Variants in TMEM154 observed in about 807,000 individuals in gnomAD.
The protein encoded by TMEM154 is transmembrane protein 154.
In TMEM154, 27 loss-of-function variants were observed where a neutral mutation model predicts 24.5. The observed-to-expected ratio is 1.10, with a 90% CI of 0.81 to 1.52. The LOEUF is 1.52. Ranked by LOEUF, TMEM154 falls within the 40% of genes most tolerant of loss-of-function variation. TMEM154 has a pLI of 0.00. For synonymous variants in TMEM154, 67 were observed against 76.8 expected (o/e 0.87, Z 0.67); for missense variants, 228 against 213.4 (o/e 1.07, Z -0.43).
At position 152,667,479 on chromosome 4, in the gene TMEM154, C is replaced by G. The variant is rs939383305; in HGVS notation, c.64+12391G>C. On this transcript the variant is annotated intron_variant, in intron 1 of 6. Transcript: ENST00000304385. The stretch of plus-strand genomic sequence containing the variant: ...CATGCATTTGCCCCCACGTAAAGGT[C>G]AGGTGACTTGATTCTCTCTGGGAGC... Among the ~76,000 whole-genome samples, 3 of 152,168 alleles carry G rather than the reference C, an allele frequency of 2.0e-5. No individual in the cohort carries two copies. The South Asian group carries it at 6.2e-4, about 32-fold the overall frequency.
At chr4:152,659,461 C>T (rs9996077) in intron 1 of TMEM154, among the ~76,000 whole-genome samples, 90,000 of 151,920 alleles carry the variant, frequency 0.59, 26,936 homozygotes, top group Admixed American at 0.71. Context: ...TAGAGTAGGA[C>T]GACTGTAGTT....
intron 1 of TMEM154, chr4:152,668,865 GA>G (rs888703361): frequency 6.7e-6 from 1 of 149,764 alleles, no homozygotes; most frequent in Non-Finnish European, 1.5e-5. Flanking sequence ...AGGTTTTGAA[GA>G]ATCGTGGGTC....
intron 1 of TMEM154, among the ~76,000 whole-genome samples, chr4:152,661,306 C>T (rs1042101199): frequency 2.3e-5 from 3 of 132,376 alleles, no homozygotes; most frequent in African/African-American, 6.5e-5. Context: ...CTCTCTCTCT[C>T]TCTCTCTCTC....
chr4:152,664,980 C>T (rs1204059953), intron 1 of TMEM154, among the ~76,000 whole-genome samples: 2 of 152,122 alleles, frequency 1.3e-5, no homozygotes, highest in Admixed American at 1.3e-4. Context: ...AAAAACAAAC[C>T]AGGAAGTCTT....
At chr4:152,645,569 T>C (rs934231562) in intron 3 of TMEM154, among the ~76,000 whole-genome samples, 1 of 152,246 alleles carries the variant, frequency 6.6e-6, no homozygotes, top group Non-Finnish European at 1.5e-5. Flanking sequence ...CCATTCATCA[T>C]GTGAAACCTA....
At chr4:152,630,991 T>A (rs1377611109) in intron 6 of TMEM154, among the ~76,000 whole-genome samples, 1 of 152,224 alleles carries the variant, frequency 6.6e-6, no homozygotes, top group Non-Finnish European at 1.5e-5. Context: ...AAACTTTTTT[T>A]AGCCAATCCC....
At chr4:152,638,539 A>G (rs972044478) in intron 6 of TMEM154, among the ~76,000 whole-genome samples, 5 of 152,176 alleles carry the variant, frequency 3.3e-5, no homozygotes, top group African/African-American at 9.7e-5. Flanking sequence ...TAATCCAGTG[A>G]GCTGGGTCTT....
chr4:152,631,884 A>T (rs1357718202), intron 6 of TMEM154, among the ~76,000 whole-genome samples: 1 of 127,492 alleles, frequency 7.8e-6, no homozygotes, highest in East Asian at 2.6e-4. Context: ...GGCTTGCTGC[A>T]AGCTCCACCT....
rs1275408024 is a variant in TMEM154 at position 152,623,022 on chromosome 4, A to C, written c.*5524T>G. On this transcript the variant is annotated 3_prime_UTR_variant, in exon 7 of 7. Transcript: ENST00000304385. ...TGGCTAATTTTTGCATTTTTGTAAA[A>C]ATGGGGTTTCACCATGTTGGCCAGG... 10 of 152,316 alleles carry C rather than the reference A, an allele frequency of 6.6e-5. No individual in the cohort carries two copies. The highest frequency in any genetic ancestry group is 2.2e-4 in the African/African-American group (9 of 41,558). 9.4% of individuals were successfully genotyped at this position (152,316 alleles called of 1,614,324 possible). A position where few individuals can be genotyped will look rare whatever the true frequency, so the allele number is the denominator to read the frequency against.
chr4:152,634,883 A>T (rs968256528), intron 6 of TMEM154, among the ~76,000 whole-genome samples: 1 of 152,102 alleles, frequency 6.6e-6, no homozygotes, highest in Non-Finnish European at 1.5e-5. Context: ...TATTCACTAC[A>T]CTCCTTGACT....
At chr4:152,631,578 T>C (rs1752044236) in intron 6 of TMEM154, among the ~76,000 whole-genome samples, 1 of 151,916 alleles carries the variant, frequency 6.6e-6, no homozygotes, top group Non-Finnish European at 1.5e-5. Flanking sequence ...TAGCTGGGAC[T>C]ACAGTTGTGT....
At chr4:152,631,826 A>T (rs1183317589) in intron 6 of TMEM154, among the ~76,000 whole-genome samples, 4 of 91,462 alleles carry the variant, frequency 4.4e-5, no homozygotes, top group Admixed American at 1.6e-4. Flanking sequence ...TTTTTTTGAG[A>T]CAGAGTCTCG....
chr4:152,640,320 G>C (rs1252131376), intron 6 of TMEM154, among the ~76,000 whole-genome samples: 2 of 152,022 alleles, frequency 1.3e-5, no homozygotes, highest in Non-Finnish European at 2.9e-5. Flanking sequence ...TTTTTCCTTA[G>C]AACACTTCCC....
At chr4:152,653,814 A>G (rs1264846943) in intron 1 of TMEM154, among the ~76,000 whole-genome samples, 2 of 151,542 alleles carry the variant, frequency 1.3e-5, no homozygotes, top group South Asian at 4.2e-4. Context: ...TGAGGTGGGC[A>G]GATCACCTGA....
At chr4:152,643,041 T>C (rs946139867) in intron 5 of TMEM154, 47 bp downstream of exon 5, 4 of 1,396,146 alleles carry the variant, frequency 2.9e-6, no homozygotes, top group Admixed American at 1.8e-5. Context: ...TGCAGCCTTC[T>C]GTTACTAGAG....
At chr4:152,656,391 A>G (rs1728493157) in intron 1 of TMEM154, among the ~76,000 whole-genome samples, 1 of 152,116 alleles carries the variant, frequency 6.6e-6, no homozygotes, top group Admixed American at 6.5e-5. Flanking sequence ...TGGGGCCTGA[A>G]GACTGGCCCA....
rs1751852162 is a variant in TMEM154 at position 152,622,093 on chromosome 4, C to G, written c.*6453G>C. ...TCAGCCTCCCAAAGTGCTGGGATTA[C>G]AGGCATGAGCCACCATGCCTGGCCT... On this transcript the variant is annotated 3_prime_UTR_variant, in exon 7 of 7. Transcript: ENST00000304385. The G allele has an allele frequency of 6.6e-6, 1 of 152,220 alleles. No individual in the cohort carries two copies. The highest frequency in any genetic ancestry group is 2.4e-5 in the African/African-American group (1 of 41,442). 9.4% of individuals were successfully genotyped at this position (152,220 alleles called of 1,614,324 possible).
chr4:152,669,003 CT>C (rs1416344473), intron 1 of TMEM154: 1 of 152,222 alleles, frequency 6.6e-6, no homozygotes, highest in Non-Finnish European at 1.5e-5. Context: ...CTCAAGCACT[CT>C]GAATTTTCCT....
Position 152,619,651 on chromosome 4 carries a change from T to C in TMEM154, c.*8895A>G, listed in dbSNP as rs1751814765. On this transcript the variant is annotated 3_prime_UTR_variant, in exon 7 of 7. Transcript: ENST00000304385. ...TGCTCTTGGAACTCAGCTGCCATGC[T>C]GTGAAGAAGCCCAAGGAGTCTATGG... 6.6e-6 allele frequency: 1 copy of C among 152,218 alleles called. No homozygotes were observed. The highest frequency in any genetic ancestry group is 1.5e-5 in the Non-Finnish European group (1 of 68,046). The allele number at this position is 152,218 out of a possible 1,614,324, so 9.4% of individuals were successfully genotyped here. A position where few individuals can be genotyped will look rare whatever the true frequency, so the allele number is the denominator to read the frequency against.
Sources: allele counts gnomAD v4.1 joint callset (sites outside exome capture counted in the v4.1 genomes callset), GRCh38; gene constraint gnomAD v4.1.1; transcripts MANE v1.5; gene names NCBI Gene and HGNC (gene_info 2026-07-23, HGNC 2026-07-21).